The following RCOR1 variants were observed in gnomAD, a reference collection of about 807,000 sequenced individuals.
RCOR1 encodes REST corepressor 1.
Under a neutral mutation model 64.0 loss-of-function variants are expected in RCOR1, and 12 were observed. The observed-to-expected ratio is 0.19, with a 90% CI of 0.12 to 0.30. The LOEUF (loss-of-function observed/expected upper bound fraction) is 0.30. RCOR1 is among the 10% of genes least tolerant of loss of function. The probability of loss-of-function intolerance (pLI) is 1.00; values close to 1 mark genes in which losing one functional copy is unlikely to be tolerated. For synonymous variants in RCOR1, 279 were observed against 227.2 expected (o/e 1.23, Z -2.05); for missense variants, 502 against 621.2 (o/e 0.81, Z 2.04).
At chr14:102,648,375 A>C (rs1255612628) in intron 2 of RCOR1, among the ~76,000 whole-genome samples, 1 of 152,190 alleles carries the variant, frequency 6.6e-6, no homozygotes, top group Non-Finnish European at 1.5e-5. Flanking sequence ...CATTGCACCT[A>C]GCCCTCTATA....
intron 2 of RCOR1, among the ~76,000 whole-genome samples, chr14:102,668,572 C>T (rs770416612): frequency 1.3e-5 from 2 of 152,184 alleles, no homozygotes; most frequent in Non-Finnish European, 2.9e-5. Flanking sequence ...TGTCTGTCTT[C>T]TCTCCCTGTC....
intron 2 of RCOR1, among the ~76,000 whole-genome samples, chr14:102,612,899 A>G (rs1047101880): frequency 3.4e-5 from 5 of 148,648 alleles, no homozygotes; most frequent in East Asian, 2.0e-4. Flanking sequence ...TGAGGCTGCT[A>G]TGAGGTATGA....
chr14:102,686,970 G>A (rs1259651229), intron 3 of RCOR1, among the ~76,000 whole-genome samples: 6 of 152,078 alleles, frequency 3.9e-5, no homozygotes, highest in Admixed American at 3.9e-4. Flanking sequence ...CATACTTTGT[G>A]CCTGGACTTC....
At chr14:102,692,834 C>T (rs1405927445) in intron 3 of RCOR1, among the ~76,000 whole-genome samples, 4 of 147,626 alleles carry the variant, frequency 2.7e-5, no homozygotes, top group Admixed American at 6.8e-5. Context: ...GGCACAGTCT[C>T]AGCCCATTGC....
rs190440659 is a variant in RCOR1, at chr14:102,622,791, A to G, written c.361+29466A>G. Among the ~76,000 whole-genome samples the G allele has an allele frequency of 4.3e-3, 647 of 151,988 alleles. 4 individuals are homozygous for G. The highest frequency in any genetic ancestry group is 7.1e-3 in the Non-Finnish European group (484 of 67,966). Reference sequence around the variant, plus strand: ...GCATGTCCTCTTTTTCTTTGTTGCCATTTCTTTACTTTTCTTCTCGCCTCC... The same window carrying G: ...GCATGTCCTCTTTTTCTTTGTTGCCGTTTCTTTACTTTTCTTCTCGCCTCC... On this transcript the variant is annotated intron_variant, in intron 2 of 11. Coordinates refer to ENST00000262241, the MANE Select transcript of RCOR1 (RefSeq NM_015156.4).
chr14:102,671,264 G>A (rs1351674847), intron 2 of RCOR1, among the ~76,000 whole-genome samples: 2 of 152,016 alleles, frequency 1.3e-5, no homozygotes, highest in African/African-American at 4.8e-5. Context: ...TCTTCCCCTC[G>A]ACTCCACAGA....
intron 2 of RCOR1, among the ~76,000 whole-genome samples, chr14:102,679,441 G>A (rs1895257247): frequency 6.6e-6 from 1 of 150,398 alleles, no homozygotes; most frequent in African/African-American, 2.4e-5. Flanking sequence ...TGTATGTGTG[G>A]TTCTGTTTTT....
At chr14:102,691,355 CTGAG>C (rs1283474832) in intron 3 of RCOR1, among the ~76,000 whole-genome samples, 1 of 152,138 alleles carries the variant, frequency 6.6e-6, no homozygotes, top group Non-Finnish European at 1.5e-5. Context: ...AGAACCTGTG[CTGAG>C]TGAGTCATGG....
intron 2 of RCOR1, chr14:102,655,347 T>C: frequency 3.0e-6 from 3 of 985,370 alleles, no homozygotes; most frequent in Non-Finnish European, 3.6e-6. Context: ...TACTTTAGAA[T>C]GGCAGGAAGC....
rs1043089307 is a variant in RCOR1, at chr14:102,728,195, GAGAA to G, written c.*1692_*1695del. The G allele has an allele frequency of 6.6e-6, 1 of 152,162 alleles. No homozygotes were observed. Among genetic ancestry groups the G allele is most frequent in the African/African-American group, 2.4e-5 (1 of 41,394 alleles). 9.4% of individuals were successfully genotyped at this position (152,162 alleles called of 1,614,324 possible). ...AAATTTTTTTTTAGTATAGTCTGGAGAGAAAGGTCATTCAAAAGGAAAGTACAAT... is the reference window on the plus strand; with the variant it reads ...AAATTTTTTTTTAGTATAGTCTGGAGAGGTCATTCAAAAGGAAAGTACAAT... On this transcript the variant is annotated 3_prime_UTR_variant, in exon 12 of 12. Coordinates refer to ENST00000262241, the MANE Select transcript of RCOR1 (RefSeq NM_015156.4).
chr14:102,650,758 A>G (rs953901403), intron 2 of RCOR1, among the ~76,000 whole-genome samples: 2 of 152,198 alleles, frequency 1.3e-5, no homozygotes, highest in Admixed American at 6.5e-5. Context: ...ATTGTTATAT[A>G]TAAAGGGATA....
At chr14:102,609,439 TTTTTA>T (rs1354830504) in intron 2 of RCOR1, among the ~76,000 whole-genome samples, 2 of 152,086 alleles carry the variant, frequency 1.3e-5, no homozygotes, top group African/African-American at 2.4e-5. Context: ...AATATTCTAC[TTTTTA>T]TTTTCTGTTT....
intron 2 of RCOR1, among the ~76,000 whole-genome samples, chr14:102,617,143 T>A (rs893329573): frequency 3.9e-5 from 6 of 152,150 alleles, no homozygotes; most frequent in African/African-American, 1.2e-4. Flanking sequence ...CTATAAACAG[T>A]GCAGATGAGA....
intron 2 of RCOR1, among the ~76,000 whole-genome samples, chr14:102,640,006 C>G (rs1181248882): frequency 6.6e-6 from 1 of 152,130 alleles, no homozygotes; most frequent in Non-Finnish European, 1.5e-5. Flanking sequence ...CCACCACACC[C>G]GGCTAATTTT....
chr14:102,690,142 AAGTT>A, intron 3 of RCOR1, among the ~76,000 whole-genome samples: 1 of 152,104 alleles, frequency 6.6e-6, no homozygotes, highest in East Asian at 1.9e-4. Flanking sequence ...AGACAAGTTT[AAGTT>A]AGGGATTTAA....
At chr14:102,630,348 C>A (rs886649788) in intron 2 of RCOR1, among the ~76,000 whole-genome samples, 3 of 152,176 alleles carry the variant, frequency 2.0e-5, no homozygotes, top group Admixed American at 6.5e-5. Flanking sequence ...CCCCATCTTC[C>A]AGCCGGCGGA....
intron 3 of RCOR1, among the ~76,000 whole-genome samples, chr14:102,685,080 T>TG (rs1567435392): frequency 1.2e-4 from 16 of 135,850 alleles, no homozygotes; most frequent in East Asian, 6.6e-4. Context: ...GTGTGTGTGT[T>TG]TTTTTTTTCC....
intron 2 of RCOR1, among the ~76,000 whole-genome samples, chr14:102,626,059 T>A (rs1893975053): frequency 6.6e-6 from 1 of 152,210 alleles, no homozygotes; most frequent in Non-Finnish European, 1.5e-5. Flanking sequence ...CTCTACATCC[T>A]CCTGATCTTT....
At chr14:102,647,045 A>G (rs1487226819) in intron 2 of RCOR1, among the ~76,000 whole-genome samples, 1 of 152,232 alleles carries the variant, frequency 6.6e-6, no homozygotes, top group African/African-American at 2.4e-5. Context: ...AGAGGAAACA[A>G]TATTAAATCA....
Sources: allele counts gnomAD v4.1 joint callset (sites outside exome capture counted in the v4.1 genomes callset), GRCh38; gene constraint gnomAD v4.1.1; transcripts MANE v1.5; gene names NCBI Gene and HGNC (gene_info 2026-07-23, HGNC 2026-07-21).